The following SLC16A5 variants were observed in gnomAD, a reference collection of about 807,000 sequenced individuals.
SLC16A5 encodes the protein solute carrier family 16 member 5, also known as monocarboxylate transporter 6.
In SLC16A5, 29 loss-of-function variants were observed where a neutral mutation model predicts 33.2. The observed-to-expected ratio is 0.87, with a 90% CI of 0.65 to 1.19. The LOEUF (loss-of-function observed/expected upper bound fraction) is 1.19. Ranked by LOEUF, SLC16A5 falls within the 50% of genes most tolerant of loss-of-function variation. The pLI is 0.00. For missense variants in SLC16A5, 606 were observed against 678.2 expected, an observed-to-expected ratio of 0.89 and a Z score of 1.18; for synonymous variants, 248 against 284.1, an observed-to-expected ratio of 0.87 and a Z score of 1.28.
chr17:75,095,811 C>T (rs2073710991), intron 3 of SLC16A5, among the ~76,000 whole-genome samples: 1 of 151,894 alleles, frequency 6.6e-6, no homozygotes, highest in Non-Finnish European at 1.5e-5. Flanking sequence ...AGGTGCGCAC[C>T]ACCATGCCTG....
intron 3 of SLC16A5, 35 bp from the exon 4 acceptor site, chr17:75,098,003 T>C (rs2073742215): frequency 1.9e-6 from 3 of 1,567,554 alleles, no homozygotes; most frequent in Admixed American, 2.0e-5. Flanking sequence ...CACCTCCTCA[T>C]TCAGCTGCTA....
At chr17:75,090,517 G>C (rs1422906471) in intron 2 of SLC16A5, among the ~76,000 whole-genome samples, 1 of 149,436 alleles carries the variant, frequency 6.7e-6, no homozygotes, top group Non-Finnish European at 1.5e-5. Context: ...CTGGAGTGTA[G>C]TGATGCGATC....
chr17:75,106,009 T>C lies in SLC16A5; in HGVS notation c.1494T>C (p.Ala498=). The C allele has an allele frequency of 6.3e-7, 1 of 1,591,722 alleles. No homozygotes were observed. The highest frequency in any genetic ancestry group is 8.6e-7 in the Non-Finnish European group (1 of 1,165,984). ...PKAVLQAKQT[A]LGWNSPT ...CGGTACTGCAGGCCAAGCAAACGGC[T>C]CTGGGCTGGAATAGCCCTACCTGAG... is the stretch of plus-strand genomic sequence containing the variant. Residue 498 remains alanine, a synonymous_variant, in exon 7 of 7, where the codon GCT becomes GCC. Coordinates refer to ENST00000329783, the MANE Select transcript of SLC16A5 (RefSeq NM_004695.4).
At chr17:75,101,554 T>C (rs1598154290) in intron 5 of SLC16A5, among the ~76,000 whole-genome samples, 3 of 75,740 alleles carry the variant, frequency 4.0e-5, no homozygotes, top group African/African-American at 5.2e-5. Flanking sequence ...AGAGTGAGAC[T>C]CCATCTGAAA....
At chr17:75,099,949 G>A in intron 4 of SLC16A5, 58 bp from the exon 5 acceptor site, 1 of 1,506,556 alleles carries the variant, frequency 6.6e-7, no homozygotes, top group Non-Finnish European at 8.9e-7. Flanking sequence ...CCCCACCCCT[G>A]GGTGCAGGTG....
At chr17:75,106,554 G>T (rs1488439444), downstream of SLC16A5, among the ~76,000 whole-genome samples, 1 of 149,620 alleles carries the variant, frequency 6.7e-6, no homozygotes, top group Non-Finnish European at 1.5e-5. Flanking sequence ...GGAGTTTGAG[G>T]CCAGCCTGGG....
Position 75,093,428 on chromosome 17 carries a change from C to A in SLC16A5, c.-48-161C>A, listed in dbSNP as rs764195614. ...GGGTGAAAGGAGATGCCAAGGCCAA[C>A]GCGTGGGCCTCTGGCCACCTCCCAG... On this transcript the variant is annotated intron_variant, in intron 2 of 6. Transcript: ENST00000329783. The A allele has an allele frequency of 1.3e-4, 198 of 1,535,840 alleles. 1 individual carries two copies. The highest frequency in any genetic ancestry group is 9.8e-5 in the Admixed American group (5 of 50,972).
intron 4 of SLC16A5, 131 bp downstream of exon 4, chr17:75,098,312 C>T (rs7212311): frequency 0.3 from 365,263 of 1,200,896 alleles, 58,373 homozygotes; most frequent in Non-Finnish European, 0.32. Flanking sequence ...CCTGTTATCC[C>T]AGCACTTTGG....
intron 2 of SLC16A5, among the ~76,000 whole-genome samples, chr17:75,091,202 C>A (rs921625377): frequency 2.6e-5 from 4 of 151,838 alleles, no homozygotes; most frequent in Admixed American, 2.6e-4. Flanking sequence ...AGTGGGAGAG[C>A]GGAAGAGCTG....
Position 75,093,682 on chromosome 17 carries a change from G to GTGC in SLC16A5, c.52_54dup (p.Leu18dup). 1.2e-6 allele frequency: 2 copies of GTGC among 1,613,906 alleles called. No homozygotes were observed. The highest frequency in any genetic ancestry group is 1.7e-6 in the Non-Finnish European group (2 of 1,179,998). ...TGCAGATGGCAGCTGGGCCTGGGTG[G>GTGC]TGCTGCTGGCCACCATGGTGACCCA... is the stretch of plus-strand genomic sequence containing the variant. On this transcript the variant is annotated inframe_insertion, in exon 3 of 7. Transcript: ENST00000329783.
chr17:75,106,197 C>T (rs1459077936), downstream of SLC16A5: 7 of 454,746 alleles, frequency 1.5e-5, no homozygotes, highest in South Asian at 4.3e-5. Context: ...TAGTCTCTTC[C>T]GGTTGAAAAG....
intron 6 of SLC16A5, chr17:75,105,131 TC>T: frequency 4.1e-6 from 4 of 985,366 alleles, no homozygotes; most frequent in Non-Finnish European, 4.8e-6. Flanking sequence ...AGTGCAGAGG[TC>T]CAGGCTGAGG....
At position 75,093,806 on chromosome 17, in the gene SLC16A5, C is replaced by T; in HGVS notation, c.170C>T (p.Ser57Phe). ...AACAGCGAGACCTCTTGGTTCCCCT[C>T]CATCCTCACGGCTGTGCTCCACATG... ...ASNSETSWFP[S>F]ILTAVLHMAG... The change falls in exon 3 of 7, where the codon TCC (serine) becomes TTC (phenylalanine). Residue 57 changes from serine to phenylalanine, a missense_variant. By Grantham distance (155) the Ser-to-Phe change is radical (BLOSUM62 -2). Coordinates refer to ENST00000329783, the MANE Select transcript of SLC16A5 (RefSeq NM_004695.4). The T allele has an allele frequency of 1.2e-6, 2 of 1,614,160 alleles. No homozygotes were observed. The highest frequency in any genetic ancestry group is 1.7e-6 in the Non-Finnish European group (2 of 1,180,000).
chr17:75,105,193 C>G (rs1320666340), intron 6 of SLC16A5: 4 of 985,322 alleles, frequency 4.1e-6, no homozygotes, highest in African/African-American at 3.5e-5. Context: ...GGGAGGGGGG[C>G]CCCTGGCTTG....
At chr17:75,100,927 A>T (rs757218284) in intron 5 of SLC16A5, 111 bp downstream of exon 5, 17 of 1,088,462 alleles carry the variant, frequency 1.6e-5, no homozygotes, top group Non-Finnish European at 2.1e-5. Context: ...CTGGTTTCCA[A>T]CCTGGCACTC....
intron 3 of SLC16A5, among the ~76,000 whole-genome samples, chr17:75,096,530 TTC>T (rs1395508127): frequency 1.4e-5 from 2 of 147,984 alleles, no homozygotes; most frequent in Non-Finnish European, 2.9e-5. Context: ...ACTTGCTTTT[TTC>T]TTTTTTTTTT....
intron 4 of SLC16A5, among the ~76,000 whole-genome samples, chr17:75,099,221 G>A (rs2073758254): frequency 6.6e-6 from 1 of 152,174 alleles, no homozygotes; most frequent in African/African-American, 2.4e-5. Context: ...GCAGCTTCAT[G>A]TCCAGAGGCA....
At chr17:75,098,874 G>T (rs2073753697) in intron 4 of SLC16A5, among the ~76,000 whole-genome samples, 1 of 152,112 alleles carries the variant, frequency 6.6e-6, no homozygotes, top group Non-Finnish European at 1.5e-5. Context: ...ATTGTCACTG[G>T]CTAGCAGGCA....
At chr17:75,104,415 CTTTTTTT>C (rs577017676) in intron 6 of SLC16A5, 72 of 1,004,178 alleles carry the variant, frequency 7.2e-5, no homozygotes, top group African/African-American at 5.4e-4. Context: ...CTGAGAAACT[CTTTTTTT>C]TTTTTTTTTT....
Sources: gnomAD v4.1 joint callset for allele counts (sites outside exome capture counted in the v4.1 genomes callset) on GRCh38, gnomAD v4.1.1 for gene constraint, MANE v1.5 for transcripts, NCBI Gene and HGNC (gene_info 2026-07-23, HGNC 2026-07-21) for gene names.